The following SNTG1 variants were observed in gnomAD, a reference collection of about 807,000 sequenced individuals.
SNTG1 encodes gamma-1-syntrophin.
A neutral mutation model predicts 74.7 loss-of-function variants in SNTG1; 39 were observed. That is an observed-to-expected ratio of 0.52 (90% CI 0.40 to 0.68). The LOEUF is 0.68. Ranked by LOEUF, SNTG1 falls within the 30% of genes least tolerant of loss-of-function variation. The pLI, the probability that SNTG1 is intolerant of heterozygous loss-of-function variation, is 0.00. For synonymous variants in SNTG1, 254 were observed against 217.1 expected, an observed-to-expected ratio of 1.17 and a Z score of -1.49; for missense variants, 685 against 609.5, an observed-to-expected ratio of 1.12 and a Z score of -1.30.
At position 50,248,836 on chromosome 8, in the gene SNTG1, G is replaced by A. The variant is rs139303713; in HGVS notation, c.-28+76201G>A. Among the ~76,000 whole-genome samples, 823 of 152,308 alleles carry A rather than the reference G, an allele frequency of 5.4e-3. 2 individuals are homozygous for A. Among genetic ancestry groups the A allele is most frequent in the Non-Finnish European group, 8.4e-3 (570 of 68,030 alleles). On this transcript the variant is annotated intron_variant, in intron 2 of 18. Coordinates refer to ENST00000642720, the MANE Select transcript of SNTG1 (RefSeq NM_018967.5). ...TGAGTACTTACCATATGCCAGGTAT[G>A]TGCTAATTGGTTTATAAATTCTATT...
At chr8:50,657,784 T>C (rs768684646) in intron 14 of SNTG1, among the ~76,000 whole-genome samples, 24 of 152,170 alleles carry the variant, frequency 1.6e-4, no homozygotes, top group Non-Finnish European at 2.8e-4. Flanking sequence ...TATTATATTC[T>C]ATATCCTAGT....
intron 18 of SNTG1, among the ~76,000 whole-genome samples, chr8:50,784,199 G>A (rs72645849): frequency 0.052 from 7,858 of 152,116 alleles, 254 homozygotes; most frequent in Non-Finnish European, 0.073. Flanking sequence ...ATTTCCTTAC[G>A]TTTGTTTTAC....
chr8:50,071,436 A>C (rs1426666128), intron 1 of SNTG1, among the ~76,000 whole-genome samples: 1 of 152,088 alleles, frequency 6.6e-6, no homozygotes, highest in East Asian at 1.9e-4. Context: ...ATATATGCAT[A>C]TATATGTGTG....
intron 1 of SNTG1, among the ~76,000 whole-genome samples, chr8:49,929,592 CCCAGCCT>C (rs1807367517): frequency 6.6e-6 from 1 of 152,200 alleles, no homozygotes; most frequent in Non-Finnish European, 1.5e-5. Context: ...CCCCTCCCAT[CCCAGCCT>C]GTGCTGCTGG....
chr8:50,503,394 A>T (rs563783380), intron 9 of SNTG1, among the ~76,000 whole-genome samples: 1 of 152,302 alleles, frequency 6.6e-6, no homozygotes, highest in East Asian at 1.9e-4. Flanking sequence ...TTTGCTGAAA[A>T]ATTGAAGAAT....
chr8:50,715,267 A>T (rs898471205), intron 17 of SNTG1, among the ~76,000 whole-genome samples: 2 of 152,150 alleles, frequency 1.3e-5, no homozygotes, highest in Non-Finnish European at 2.9e-5. Context: ...AACATCATAA[A>T]TTTGACTCTT....
chr8:50,292,308 GT>G (rs2089155661), intron 2 of SNTG1, among the ~76,000 whole-genome samples: 1 of 152,002 alleles, frequency 6.6e-6, no homozygotes, highest in Non-Finnish European at 1.5e-5. Flanking sequence ...GTCAGTTTGG[GT>G]AAGATATGGA....
intron 18 of SNTG1, among the ~76,000 whole-genome samples, chr8:50,787,793 G>C (rs1471868998): frequency 6.6e-6 from 1 of 151,904 alleles, no homozygotes; most frequent in Non-Finnish European, 1.5e-5. Context: ...TCCACAAAAA[G>C]CAAACCCATA....
chr8:50,153,225 A>G (rs963500627), intron 1 of SNTG1, among the ~76,000 whole-genome samples: 1 of 152,148 alleles, frequency 6.6e-6, no homozygotes, highest in African/African-American at 2.4e-5. Flanking sequence ...CATGCATCAA[A>G]TAGTTCTTGT....
At chr8:50,459,342 A>T (rs1011697884) in intron 8 of SNTG1, among the ~76,000 whole-genome samples, 1 of 152,110 alleles carries the variant, frequency 6.6e-6, no homozygotes, top group Non-Finnish European at 1.5e-5. Flanking sequence ...TGTTAAGCAA[A>T]CTATTTGTAT....
chr8:50,461,196 TGTG>T (rs2093558883), intron 8 of SNTG1, among the ~76,000 whole-genome samples: 1 of 150,180 alleles, frequency 6.7e-6, no homozygotes, highest in African/African-American at 2.5e-5. Context: ...TGTGTGTGTG[TGTG>T]TGTGTGACTG....
At chr8:50,616,375 G>T (rs1206908066) in intron 13 of SNTG1, among the ~76,000 whole-genome samples, 1 of 152,192 alleles carries the variant, frequency 6.6e-6, no homozygotes, top group Non-Finnish European at 1.5e-5. Flanking sequence ...ATGGGTCAGG[G>T]TCATAGACTT....
At chr8:50,348,507 A>C (rs1587252197) in intron 2 of SNTG1, among the ~76,000 whole-genome samples, 1 of 152,326 alleles carries the variant, frequency 6.6e-6, no homozygotes, top group East Asian at 1.9e-4. Context: ...TACTCATATA[A>C]GTCATTTGAC....
chr8:50,349,559 C>T (rs2091583473), intron 2 of SNTG1, among the ~76,000 whole-genome samples: 1 of 151,940 alleles, frequency 6.6e-6, no homozygotes, highest in Non-Finnish European at 1.5e-5. Flanking sequence ...GCTAGCTGCA[C>T]CTCTATGTTA....
At chr8:49,933,015 A>G (rs1442484508) in intron 1 of SNTG1, among the ~76,000 whole-genome samples, 1 of 152,026 alleles carries the variant, frequency 6.6e-6, no homozygotes, top group Non-Finnish European at 1.5e-5. Context: ...GTATTTATCC[A>G]TTTATTACTT....
chr8:50,123,365 T>C lies in SNTG1; in HGVS notation c.-102-49196T>C, dbSNP rs553428236. Among the ~76,000 whole-genome samples, 109 of 142,554 alleles carry C rather than the reference T, an allele frequency of 7.6e-4. 13 individuals carry two copies. The highest frequency in any genetic ancestry group is 2.5e-3 in the African/African-American group (99 of 39,432). 93.5% of individuals were successfully genotyped at this position (142,554 alleles called of 152,430 possible). A position where few individuals can be genotyped will look rare whatever the true frequency, so the allele number is the denominator to read the frequency against. ...GTGTTCCTGAAAGGAGAATGGAGAA[T>C]ACTGCACAGGTCTTATGTGAATTCC... On this transcript the variant is annotated intron_variant, in intron 1 of 18. Coordinates refer to ENST00000642720, the MANE Select transcript of SNTG1 (RefSeq NM_018967.5).
At chr8:50,658,773 C>A (rs1366099800) in intron 15 of SNTG1, 110 bp downstream of exon 15, 3 of 683,192 alleles carry the variant, frequency 4.4e-6, no homozygotes, top group Non-Finnish European at 7.4e-6. Context: ...AAAGAAGAGA[C>A]ACGATAAAGA....
intron 4 of SNTG1, among the ~76,000 whole-genome samples, chr8:50,428,584 T>C (rs967297866): frequency 6.6e-6 from 1 of 152,178 alleles, no homozygotes; most frequent in African/African-American, 2.4e-5. Flanking sequence ...ATGAAGGACC[T>C]GCTACAAACT....
intron 8 of SNTG1, among the ~76,000 whole-genome samples, chr8:50,488,135 G>T (rs1335070207): frequency 1.3e-5 from 2 of 152,134 alleles, no homozygotes; most frequent in African/African-American, 4.8e-5. Context: ...GCGAAGTGGT[G>T]CTGTGCAGCT....
Sources: gnomAD v4.1 joint callset for allele counts (sites outside exome capture counted in the v4.1 genomes callset) on GRCh38, gnomAD v4.1.1 for gene constraint, MANE v1.5 for transcripts, NCBI Gene and HGNC (gene_info 2026-07-23, HGNC 2026-07-21) for gene names.